The following SNX18 variants were observed in gnomAD, a reference collection of about 807,000 sequenced individuals.
SNX18 encodes the protein sorting nexin 18, also known as sorting nexin-18.
In SNX18, 35 loss-of-function variants were observed where a neutral mutation model predicts 48.7. The observed-to-expected ratio is 0.72, with a 90% CI of 0.55 to 0.95. The LOEUF (loss-of-function observed/expected upper bound fraction) is 0.95. Ranked by LOEUF, SNX18 falls within the 40% of genes least tolerant of loss-of-function variation. The pLI, the probability that SNX18 is intolerant of heterozygous loss-of-function variation, is 0.00. For synonymous variants in SNX18, 492 were observed against 384.7 expected, an observed-to-expected ratio of 1.28 and a Z score of -3.26; for missense variants, 824 against 871.0, an observed-to-expected ratio of 0.95 and a Z score of 0.68.
At chr5:54,556,852 A>G in the SNX18 span, among the ~76,000 whole-genome samples, 3 of 152,120 alleles carry the variant, frequency 2.0e-5, no homozygotes, top group South Asian at 2.1e-4. Flanking sequence ...CATCACTGTG[A>G]CCCATCTTGA....
At chr5:54,647,455 G>A in the SNX18 span, among the ~76,000 whole-genome samples, 2,764 of 152,256 alleles carry the variant, frequency 0.018, 92 homozygotes, top group African/African-American at 0.063. Flanking sequence ...CTAGAGGAGA[G>A]GAAAGAACAG....
Position 54,518,060 on chromosome 5 carries a change from G to A in SNX18, c.108G>A (p.Glu36=), listed in dbSNP as rs957328977. ...GCCTGTGCAGCGAGCAGGACATCGA[G>A]GGCTGGCTCGAGGGGGTCAACAGCC... The part of the protein sequence containing the change: ...VLSLCSEQDI[E]GWLEGVNSRG... Residue 36 remains glutamate, a synonymous_variant, in exon 1 of 2, where the codon GAG becomes GAA. Coordinates refer to ENST00000381410, the MANE Select transcript of SNX18 (RefSeq NM_001102575.2). 3 of 1,546,042 alleles carry A rather than the reference G, an allele frequency of 1.9e-6. No homozygotes were observed. Among genetic ancestry groups the A allele is most frequent in the Non-Finnish European group, 1.7e-6 (2 of 1,151,154 alleles).
At chr5:54,610,950 G>A in the SNX18 span, among the ~76,000 whole-genome samples, 4 of 152,092 alleles carry the variant, frequency 2.6e-5, no homozygotes, top group African/African-American at 9.7e-5. Flanking sequence ...ATCATCTATT[G>A]GCTACGTTTA....
the SNX18 span, among the ~76,000 whole-genome samples, chr5:54,601,938 G>A: frequency 2.0e-5 from 3 of 152,172 alleles, no homozygotes; most frequent in Non-Finnish European, 1.5e-5. Flanking sequence ...CTTTGGTGTG[G>A]TTTTAAGACA....
the SNX18 span, among the ~76,000 whole-genome samples, chr5:54,623,220 A>G: frequency 6.6e-6 from 1 of 152,328 alleles, no homozygotes; most frequent in African/African-American, 2.4e-5. Context: ...GAGAGTCATT[A>G]GCACAAACTT....
the SNX18 span, among the ~76,000 whole-genome samples, chr5:54,612,264 A>AT: frequency 1.0e-3 from 148 of 148,612 alleles, no homozygotes; most frequent in Non-Finnish European, 1.3e-3. Context: ...ATTTTTTTTT[A>AT]TTTTTTTTTT....
the SNX18 span, among the ~76,000 whole-genome samples, chr5:54,626,834 G>A: frequency 1.8e-3 from 275 of 152,332 alleles, no homozygotes; most frequent in Non-Finnish European, 3.4e-3. Flanking sequence ...ACTACAGTGG[G>A]AGGTTGTGTT....
rs1328259456 is a variant in SNX18 at position 54,546,269 on chromosome 5, A to C, written c.*2837A>C. On this transcript the variant is annotated 3_prime_UTR_variant, in exon 2 of 2. Coordinates refer to ENST00000381410, the MANE Select transcript of SNX18 (RefSeq NM_001102575.2). ...GTTCTCATAATTAAGGACTTGAAAA[A>C]TGTTTTAGTCTGTCAAGTATGTAAA... The C allele has an allele frequency of 6.6e-6, 1 of 152,224 alleles. No homozygotes were observed. Among genetic ancestry groups the C allele is most frequent in the African/African-American group, 2.4e-5 (1 of 41,466 alleles). 9.4% of individuals were successfully genotyped at this position (152,224 alleles called of 1,614,324 possible).
chr5:54,536,564 A>C (rs921630575), intron 1 of SNX18, among the ~76,000 whole-genome samples: 2 of 152,076 alleles, frequency 1.3e-5, no homozygotes, highest in Non-Finnish European at 2.9e-5. Flanking sequence ...TGAACTCATC[A>C]TTTTTTATGG....
chr5:54,606,474 A>G, the SNX18 span, among the ~76,000 whole-genome samples: 1 of 152,242 alleles, frequency 6.6e-6, no homozygotes, highest in South Asian at 2.1e-4. Flanking sequence ...CTGGTTGGCC[A>G]TTGGATTGTT....
chr5:54,585,562 G>A, the SNX18 span, among the ~76,000 whole-genome samples: 1 of 152,104 alleles, frequency 6.6e-6, no homozygotes, highest in Admixed American at 6.5e-5. Context: ...TAGATGACCA[G>A]TGTGACTGAT....
chr5:54,610,953 T>C, the SNX18 span, among the ~76,000 whole-genome samples: 1 of 152,242 alleles, frequency 6.6e-6, no homozygotes. Flanking sequence ...ATCTATTGGC[T>C]ACGTTTACAA....
intron 1 of SNX18, among the ~76,000 whole-genome samples, chr5:54,531,835 G>A (rs1219373297): frequency 6.6e-6 from 1 of 152,228 alleles, no homozygotes; most frequent in African/African-American, 2.4e-5. Flanking sequence ...ATAACGAAGA[G>A]TGCTTGTGCT....
Position 54,525,384 on chromosome 5 carries a change from A to G in SNX18, c.1621+5811A>G, listed in dbSNP as rs965397022. On this transcript the variant is annotated intron_variant, in intron 1 of 1. Coordinates refer to ENST00000381410, the MANE Select transcript of SNX18 (RefSeq NM_001102575.2). ...AGTGAGACCTTGTCTCTTTAAAAAA[A>G]AAAAAAAAATTAAGGGCGCTCTCCT... Among the ~76,000 whole-genome samples, 1,401 of 152,196 alleles carry G rather than the reference A, an allele frequency of 9.2e-3. 12 individuals are homozygous for G. Among genetic ancestry groups the G allele is most frequent in the Non-Finnish European group, 0.015 (1,003 of 68,014 alleles).
chr5:54,550,109 T>G (rs1176637908), downstream of SNX18, among the ~76,000 whole-genome samples: 1 of 152,202 alleles, frequency 6.6e-6, no homozygotes, highest in Non-Finnish European at 1.5e-5. Context: ...TAGTCACTTT[T>G]TAAAAAATTA....
chr5:54,630,558 G>A, the SNX18 span, among the ~76,000 whole-genome samples: 2 of 152,110 alleles, frequency 1.3e-5, no homozygotes, highest in East Asian at 3.9e-4. Context: ...TGGAAGCCAG[G>A]TGTCATGGCT....
chr5:54,611,860 TTTC>T, the SNX18 span, among the ~76,000 whole-genome samples: 114 of 150,356 alleles, frequency 7.6e-4, no homozygotes, highest in East Asian at 2.2e-3. Flanking sequence ...ATTCTGGAAT[TTTC>T]TTCTTCTTCT....
the SNX18 span, among the ~76,000 whole-genome samples, chr5:54,612,938 A>C: frequency 6.6e-6 from 1 of 152,212 alleles, no homozygotes; most frequent in East Asian, 1.9e-4. Flanking sequence ...ATCTAATCGG[A>C]GACCTTTTCC....
chr5:54,624,065 T>C, the SNX18 span, among the ~76,000 whole-genome samples: 1 of 152,212 alleles, frequency 6.6e-6, no homozygotes, highest in East Asian at 1.9e-4. Context: ...CAGTAGCGCA[T>C]TGAGCAGCTA....
Sources: allele counts gnomAD v4.1 joint callset (sites outside exome capture counted in the v4.1 genomes callset), GRCh38; gene constraint gnomAD v4.1.1; transcripts MANE v1.5; gene names NCBI Gene and HGNC (gene_info 2026-07-23, HGNC 2026-07-21).